INTS10: variants seen among roughly 807,000 people sequenced by gnomAD.
INTS10 encodes chromosome 8 open reading frame 35.
A neutral mutation model predicts 94.4 loss-of-function variants in INTS10; 44 were observed. The observed-to-expected ratio is 0.47, with a 90% CI of 0.37 to 0.60. The LOEUF (loss-of-function observed/expected upper bound fraction) is 0.60, where lower values mean the gene tolerates loss of function less well. INTS10 is among the 20% of genes least tolerant of loss of function. The probability of loss-of-function intolerance (pLI) is 0.00; values close to 1 mark genes in which losing one functional copy is unlikely to be tolerated. For synonymous variants in INTS10, 341 were observed against 320.7 expected (o/e 1.06, Z -0.68); for missense variants, 797 against 868.7 (o/e 0.92, Z 1.04).
intron 12 of INTS10, among the ~76,000 whole-genome samples, chr8:19,835,195 T>C (rs943670351): frequency 1.3e-5 from 2 of 152,188 alleles, no homozygotes; most frequent in African/African-American, 4.8e-5. Context: ...TGTATTTCTA[T>C]TGTCACCACC....
chr8:19,851,124 C>T lies in INTS10; in HGVS notation c.1977-525C>T, dbSNP rs1028121219. ...TATTCTGGTGTCCTGGGGAGAGAGA[C>T]GTGCTTGTGACCCCGGCTGTGCAGG... is the stretch of plus-strand genomic sequence containing the variant. On this transcript the variant is annotated intron_variant, in intron 16 of 16. Transcript: ENST00000397977. This position sits in a 1 kb window ranked among gnomAD's most constrained non-coding sequence, Gnocchi z 5.0. Among the ~76,000 whole-genome samples the T allele has an allele frequency of 6.6e-6, 1 of 152,276 alleles. No homozygotes were observed. The highest frequency in any genetic ancestry group is 1.5e-5 in the Non-Finnish European group (1 of 68,018).
rs573087864 is a variant in INTS10 at position 19,830,799 on chromosome 8, C to T, written c.1294+240C>T. On this transcript the variant is annotated intron_variant, in intron 10 of 16. Transcript: ENST00000397977. Reference sequence around the variant, plus strand: ...ACAGTTCTTCTGCCTCAGCCTTCCTCGTAGCTGGGACTACAGGCACGTGCG... The same window carrying T: ...ACAGTTCTTCTGCCTCAGCCTTCCTTGTAGCTGGGACTACAGGCACGTGCG... 2.0e-5 allele frequency among the ~76,000 whole-genome samples: 3 copies of T among 152,084 alleles called. No homozygotes were observed. The East Asian group carries it at 5.8e-4, about 29-fold the overall frequency.
Position 19,851,802 on chromosome 8 carries a change from C to G in INTS10, c.2130C>G (p.Thr710=), listed in dbSNP as rs2069057424. The change falls in exon 17 of 17, where the codon ACC becomes ACG. Residue 710 remains threonine, a synonymous_variant. Transcript: ENST00000397977. This position sits in a 1 kb window ranked among gnomAD's most constrained non-coding sequence, Gnocchi z 5.0. ...NEKILLLQTL[T] is the part of the protein sequence containing the mutation. The stretch of plus-strand genomic sequence containing the variant: ...AGATCTTGCTCCTTCAGACTCTGAC[C>G]TGAGTGGAGACCTTTCCACCAGACA... The G allele has an allele frequency of 6.2e-7, 1 of 1,613,834 alleles. No individual in the cohort carries two copies. Among genetic ancestry groups the G allele is most frequent in the Non-Finnish European group, 8.5e-7 (1 of 1,179,860 alleles).
Position 19,823,446 on chromosome 8 carries a change from G to A in INTS10, c.664+5G>A. ...AAATAGAAAATCAGCATCAAGGTAA[G>A]TAGGAATACCCTGTACTTTTACTTA... On this transcript the variant is annotated splice_donor_5th_base_variant and intron_variant, in intron 6 of 16. Transcript: ENST00000397977. 1 of 1,583,036 alleles carries A rather than the reference G, an allele frequency of 6.3e-7. No homozygotes were observed. Among genetic ancestry groups the A allele is most frequent in the Non-Finnish European group, 8.7e-7 (1 of 1,153,080 alleles).
intron 13 of INTS10, among the ~76,000 whole-genome samples, chr8:19,842,550 G>T (rs2068212143): frequency 6.6e-6 from 1 of 152,272 alleles, no homozygotes; most frequent in South Asian, 2.1e-4. Context: ...AAGCTGAGTG[G>T]TGAGCACACC....
chr8:19,834,025 G>T (rs971572043), intron 12 of INTS10, among the ~76,000 whole-genome samples: 1 of 147,650 alleles, frequency 6.8e-6, no homozygotes, highest in Admixed American at 6.8e-5. Flanking sequence ...AAAAAAAATG[G>T]TGATAATACC....
At chr8:19,820,147 CATT>C (rs1340982191) in intron 3 of INTS10, among the ~76,000 whole-genome samples, 1 of 151,780 alleles carries the variant, frequency 6.6e-6, no homozygotes, top group Non-Finnish European at 1.5e-5. Flanking sequence ...TCACATACAT[CATT>C]GTTTTTTGAA....
rs533934775 is a variant in INTS10, at chr8:19,832,024, T to C, written c.1295-4T>C. 1.3e-6 allele frequency: 2 copies of C among 1,578,054 alleles called. No homozygotes were observed. The highest frequency in any genetic ancestry group is 8.7e-7 in the Non-Finnish European group (1 of 1,147,126). ...GGTAAATTTGTTCTTGAATTCTTACTCAGAATTTACAAGGATTTGCTTGGC... is the reference window on the plus strand; with the variant it reads ...GGTAAATTTGTTCTTGAATTCTTACCCAGAATTTACAAGGATTTGCTTGGC... On this transcript the variant is annotated splice_region_variant and splice_polypyrimidine_tract_variant and intron_variant, in intron 10 of 16. Transcript: ENST00000397977.
At chr8:19,837,699 G>C (rs997277957) in intron 13 of INTS10, among the ~76,000 whole-genome samples, 1 of 152,082 alleles carries the variant, frequency 6.6e-6, no homozygotes, top group Non-Finnish European at 1.5e-5. Flanking sequence ...ATCTGAGTTT[G>C]TTAGAAAAAG....
Position 19,837,126 on chromosome 8 carries a change from G to T in INTS10, c.1605G>T (p.Glu535Asp). The change falls in exon 13 of 17, where the codon GAG becomes GAT. Residue 535 changes from glutamate (E) to aspartate (D), a missense_variant. Around this residue, in one of 3 missense-constraint regions of INTS10, gnomAD observed 734 missense variants for 787.8 expected, o/e 0.93. Transcript: ENST00000397977. ...TTCAAGATGGAGGCAAATCCCAGGA[G>T]GAACCCTCGAAAGTAAAGCCCAAAT... ...LPIQDGGKSQ[E>D]EPSKVKPKFR... The T allele has an allele frequency of 6.2e-7, 1 of 1,613,028 alleles. No homozygotes were observed. The highest frequency in any genetic ancestry group is 8.5e-7 in the Non-Finnish European group (1 of 1,179,006).
At chr8:19,823,265 C>T (rs372326265) in intron 5 of INTS10, 36 bp from the exon 6 acceptor site, 2 of 1,547,696 alleles carry the variant, frequency 1.3e-6, no homozygotes, top group South Asian at 2.3e-5. Context: ...GGTAGACAAC[C>T]TAATTAATTT....
In INTS10 at chr8:19,846,088, T is replaced by G. The variant is rs2068558134; in HGVS notation, c.1976+291T>G. 6.6e-6 allele frequency among the ~76,000 whole-genome samples: 1 copy of G among 151,924 alleles called. No homozygotes were observed. Among genetic ancestry groups the G allele is most frequent in the Non-Finnish European group, 1.5e-5 (1 of 67,974 alleles). On this transcript the variant is annotated intron_variant, in intron 16 of 16. Transcript: ENST00000397977. This position sits in a 1 kb window ranked among gnomAD's most constrained non-coding sequence, Gnocchi z 4.2. The stretch of plus-strand genomic sequence containing the variant: ...TACTTTCAAAAATTTATAGGGTGAG[T>G]CTATAAGTTTCTGATTAGTCACAGA...
At chr8:19,836,064 A>G (rs1251943515) in intron 12 of INTS10, among the ~76,000 whole-genome samples, 1 of 152,086 alleles carries the variant, frequency 6.6e-6, no homozygotes, top group East Asian at 1.9e-4. Flanking sequence ...TAAAACCTAG[A>G]TGACGGGTTG....
In INTS10 at chr8:19,845,725, T is replaced by C; in HGVS notation, c.1904T>C (p.Phe635Ser). ...GCAGATATTGATATGCTGGAGGAATTTGCCTACTTGAGAACTCAGGAAGGT... is the reference window on the plus strand; with the variant it reads ...GCAGATATTGATATGCTGGAGGAATCTGCCTACTTGAGAACTCAGGAAGGT... ...YVTNIDMLEE[F>S]AYLRTQEGGK... Residue 635 changes from phenylalanine to serine, a missense_variant, in exon 16 of 17, where the codon TTT (phenylalanine) becomes TCT (serine). Transcript: ENST00000397977. 5.6e-6 allele frequency: 9 copies of C among 1,613,562 alleles called. No homozygotes were observed. Among genetic ancestry groups the C allele is most frequent in the Non-Finnish European group, 7.6e-6 (9 of 1,179,482 alleles).
At chr8:19,824,143 T>C (rs2128759622) in intron 7 of INTS10, 99 bp downstream of exon 7, 1 of 1,008,324 alleles carries the variant, frequency 9.9e-7, no homozygotes, top group Non-Finnish European at 1.4e-6. Context: ...GTAGGTATAG[T>C]TTTTGGGCAA....
chr8:19,840,565 G>T (rs959466503), intron 13 of INTS10, among the ~76,000 whole-genome samples: 6 of 152,128 alleles, frequency 3.9e-5, no homozygotes, highest in African/African-American at 1.4e-4. Flanking sequence ...TAATAATCAA[G>T]ACAGAGTTGA....
Position 19,822,504 on chromosome 8 carries a change from C to A in INTS10, c.507C>A (p.Cys169Ter). Residue 169 changes from cysteine (C) to a stop codon, truncating the protein, a stop_gained, in exon 5 of 17, where the codon TGC becomes TGA. Transcript: ENST00000397977. LOFTEE classifies it high-confidence loss of function. ...AAGAACAAGAATCTCCAGTGAACTG[C>A]TTTAGAAAATTATTTGGTAAGGAAA... is the stretch of plus-strand genomic sequence containing the variant. ...TIEEQESPVN[C>*]FRKLFVCDVL... The A allele has an allele frequency of 1.2e-6, 2 of 1,604,570 alleles. No individual in the cohort carries two copies. The highest frequency in any genetic ancestry group is 1.7e-6 in the Non-Finnish European group (2 of 1,171,602).
At position 19,851,137 on chromosome 8, in the gene INTS10, C is replaced by T. The variant is rs1283413014; in HGVS notation, c.1977-512C>T. ...TGGGGAGAGAGACGTGCTTGTGACC[C>T]CGGCTGTGCAGGAGCCCTGAACCTT... On this transcript the variant is annotated intron_variant, in intron 16 of 16. Coordinates refer to ENST00000397977, the MANE Select transcript of INTS10 (RefSeq NM_018142.4). This position sits in a 1 kb window ranked among gnomAD's most constrained non-coding sequence, Gnocchi z 5.0. Among the ~76,000 whole-genome samples, 1 of 152,170 alleles carries T rather than the reference C, an allele frequency of 6.6e-6. No homozygotes were observed. Among genetic ancestry groups the T allele is most frequent in the Non-Finnish European group, 1.5e-5 (1 of 68,024 alleles).
At chr8:19,826,932 T>C (rs956177519) in intron 9 of INTS10, among the ~76,000 whole-genome samples, 12 of 152,130 alleles carry the variant, frequency 7.9e-5, no homozygotes, top group African/African-American at 2.7e-4. Flanking sequence ...CAAAATGGCA[T>C]TGGACCTCTA....
Sources: allele counts gnomAD v4.1 joint callset (sites outside exome capture counted in the v4.1 genomes callset), GRCh38; gene constraint gnomAD v4.1.1; regional missense constraint gnomAD v4.1.1; non-coding constraint Gnocchi (gnomAD v3.1); transcripts MANE v1.5; gene names NCBI Gene and HGNC (gene_info 2026-07-23, HGNC 2026-07-21).